Variants in CDK12 observed in about 807,000 individuals in gnomAD.
CDK12 encodes cyclin-dependent kinase 12.
Under a neutral mutation model 133.8 loss-of-function variants are expected in CDK12, and 17 were observed. That is an observed-to-expected ratio of 0.13 (90% CI 0.09 to 0.19). The LOEUF (loss-of-function observed/expected upper bound fraction) is 0.19, where lower values mean the gene tolerates loss of function less well. CDK12 is among the 10% of genes least tolerant of loss of function. The pLI is 1.00. For missense variants in CDK12, 1,508 were observed against 1,818.7 expected, an observed-to-expected ratio of 0.83 and a Z score of 3.11; for synonymous variants, 694 against 683.6, an observed-to-expected ratio of 1.02 and a Z score of -0.24.
At chr17:39,463,374 A>G (rs577318592) in intron 1 of CDK12, among the ~76,000 whole-genome samples, 13 of 152,240 alleles carry the variant, frequency 8.5e-5, no homozygotes, top group Non-Finnish European at 1.6e-4. Flanking sequence ...TGAGTGAGAA[A>G]CGTCAAAGGC....
chr17:39,485,320 T>C (rs1436149934), intron 2 of CDK12, among the ~76,000 whole-genome samples: 1 of 151,578 alleles, frequency 6.6e-6, no homozygotes, highest in Non-Finnish European at 1.5e-5. Context: ...GCATGGTGGC[T>C]GATGCCTGTG....
intron 8 of CDK12, among the ~76,000 whole-genome samples, chr17:39,514,539 C>T (rs2053678607): frequency 6.6e-6 from 1 of 151,920 alleles, no homozygotes; most frequent in South Asian, 2.1e-4. Context: ...ATGTGGTCTT[C>T]CTATGTTGCC....
chr17:39,473,807 C>T (rs2049984157), intron 2 of CDK12, among the ~76,000 whole-genome samples: 1 of 152,040 alleles, frequency 6.6e-6, no homozygotes, highest in Admixed American at 6.6e-5. Flanking sequence ...ATTACTTGAA[C>T]CCAGGAGGTG....
At chr17:39,501,853 T>G (rs1482397633) in intron 6 of CDK12, among the ~76,000 whole-genome samples, 2 of 152,082 alleles carry the variant, frequency 1.3e-5, no homozygotes, top group African/African-American at 4.8e-5. Flanking sequence ...GTTTTGTTTT[T>G]TTTTTTTGAA....
chr17:39,510,980 C>A (rs1235932797), intron 7 of CDK12, among the ~76,000 whole-genome samples: 1 of 137,832 alleles, frequency 7.3e-6, no homozygotes, highest in East Asian at 2.4e-4. Flanking sequence ...CTTTGGGAGA[C>A]CGAGGTGGGT....
At chr17:39,489,887 G>A (rs1169429465) in intron 2 of CDK12, among the ~76,000 whole-genome samples, 2 of 143,232 alleles carry the variant, frequency 1.4e-5, no homozygotes, top group African/African-American at 5.2e-5. Flanking sequence ...CAATCCTCTT[G>A]CCTCAGCCTC....
At chr17:39,543,328 G>A (rs1020653254), upstream of CDK12, among the ~76,000 whole-genome samples, 2 of 152,216 alleles carry the variant, frequency 1.3e-5, no homozygotes, top group Non-Finnish European at 2.9e-5. Flanking sequence ...TGGCTGACAC[G>A]CATTGCTGGT....
At chr17:39,543,353 C>G (rs1249414908), upstream of CDK12, among the ~76,000 whole-genome samples, 1 of 152,202 alleles carries the variant, frequency 6.6e-6, no homozygotes, top group Non-Finnish European at 1.5e-5. Context: ...TAAGTCATCT[C>G]AGTCTGGTGC....
chr17:39,471,037 A>T lies in CDK12; in HGVS notation c.1205A>T (p.Lys402Ile). Residue 402 changes from lysine (K) to isoleucine (I), a missense_variant, in exon 2 of 14, where the codon AAA becomes ATA. Around this residue, in one of 9 missense-constraint regions of CDK12, gnomAD observed 4 missense variants for 25.5 expected, o/e 0.16. Coordinates refer to ENST00000447079, the MANE Select transcript of CDK12 (RefSeq NM_016507.4). Reference protein sequence around the residue: ...NSSLGAELSRKKKERAAAAAA... With the variant: ...NSSLGAELSRIKKERAAAAAA... ...AGTCTGGGAGCTGAACTCAGTAGGA[A>T]AAAGAAGGAAAGAGCAGCTGCTGCT... The T allele has an allele frequency of 1.2e-6, 2 of 1,614,170 alleles. No individual in the cohort carries two copies. The highest frequency in any genetic ancestry group is 1.7e-6 in the Non-Finnish European group (2 of 1,180,030).
At chr17:39,481,168 C>A (rs2050611520) in intron 2 of CDK12, among the ~76,000 whole-genome samples, 2 of 151,524 alleles carry the variant, frequency 1.3e-5, no homozygotes, top group East Asian at 1.9e-4. Context: ...CAGGAGAATC[C>A]CTTGAACTCG....
At chr17:39,500,930 T>G (rs1270485673) in intron 5 of CDK12, among the ~76,000 whole-genome samples, 1 of 151,644 alleles carries the variant, frequency 6.6e-6, no homozygotes, top group Non-Finnish European at 1.5e-5. Context: ...TGAGGTTTCA[T>G]TCACCATGTT....
In CDK12 at chr17:39,509,822, G is replaced by A. The variant is rs1006860943; in HGVS notation, c.2666+61G>A. ...GGTTTGTTTTGTTTTGTTTTTTTGA[G>A]GCAGGATCTTATTCTGTTGCTCAGG... On this transcript the variant is annotated intron_variant, in intron 7 of 13. Coordinates refer to ENST00000447079, the MANE Select transcript of CDK12 (RefSeq NM_016507.4). 3.5e-5 allele frequency: 46 copies of A among 1,298,060 alleles called. No individual in the cohort carries two copies. In the Middle Eastern group the frequency reaches 5.5e-4, roughly 15 times the overall value. The allele number at this position is 1,298,060 out of a possible 1,614,324, so 80.4% of individuals were successfully genotyped here.
intron 3 of CDK12, among the ~76,000 whole-genome samples, chr17:39,492,468 C>T (rs1300975933): frequency 1.3e-5 from 2 of 148,220 alleles, no homozygotes; most frequent in Admixed American, 6.9e-5. Flanking sequence ...AGTGCAGTGG[C>T]GCATTCTTGG....
chr17:39,567,293 C>T (rs2056602117), downstream of CDK12: 1 of 152,224 alleles, frequency 6.6e-6, no homozygotes, highest in African/African-American at 2.4e-5. Flanking sequence ...TTCTCAACTC[C>T]TTAGACTCAG....
downstream of CDK12, chr17:39,535,144 C>A (rs1350972603): frequency 6.6e-6 from 1 of 152,234 alleles, no homozygotes; most frequent in African/African-American, 2.4e-5. Context: ...GCTTCCCCTT[C>A]TCTTTCATGG....
chr17:39,475,876 C>T (rs2050153721), intron 2 of CDK12, among the ~76,000 whole-genome samples: 1 of 151,872 alleles, frequency 6.6e-6, no homozygotes, highest in Non-Finnish European at 1.5e-5. Context: ...AAAAAATTAA[C>T]TTGAGGTCCA....
chr17:39,522,017 C>G (rs974073908), intron 11 of CDK12, among the ~76,000 whole-genome samples: 1 of 152,136 alleles, frequency 6.6e-6, no homozygotes, highest in Admixed American at 6.5e-5. Context: ...GGTTTTTGCT[C>G]TTAACCATTC....
chr17:39,491,482 C>T (rs144386356), intron 3 of CDK12, among the ~76,000 whole-genome samples: 6 of 152,092 alleles, frequency 3.9e-5, no homozygotes, highest in East Asian at 3.9e-4. Flanking sequence ...GGTAATCCAC[C>T]GCCTTGGCCT....
intron 2 of CDK12, among the ~76,000 whole-genome samples, chr17:39,482,992 A>C (rs1469855406): frequency 6.7e-6 from 1 of 149,196 alleles, no homozygotes; most frequent in Non-Finnish European, 1.5e-5. Flanking sequence ...GGCTCACTGC[A>C]ACCTTCGCCT....
Sources: gnomAD v4.1 joint callset for allele counts (sites outside exome capture counted in the v4.1 genomes callset) on GRCh38, gnomAD v4.1.1 for gene constraint, gnomAD v4.1.1 regional missense constraint, MANE v1.5 for transcripts, NCBI Gene and HGNC (gene_info 2026-07-23, HGNC 2026-07-21) for gene names.